Variants in SEPTIN7 observed in about 807,000 individuals in gnomAD.
The protein encoded by SEPTIN7 is septin 7, also known as septin-7.
Under a neutral mutation model 63.3 loss-of-function variants are expected in SEPTIN7, and 10 were observed. That is an observed-to-expected ratio of 0.16 (90% CI 0.10 to 0.27). SEPTIN7 has a LOEUF of 0.27. SEPTIN7 is among the 10% of genes least tolerant of loss of function. The probability of loss-of-function intolerance (pLI) is 1.00; values close to 1 mark genes in which losing one functional copy is unlikely to be tolerated. For synonymous variants in SEPTIN7, 131 were observed against 165.3 expected (o/e 0.79, Z 1.59); for missense variants, 310 against 521.0 (o/e 0.59, Z 3.94).
chr7:35,905,347 A>G lies in SEPTIN7; in HGVS notation c.*1054A>G, dbSNP rs950619342. The G allele has an allele frequency of 2.6e-5, 4 of 152,588 alleles. No individual in the cohort carries two copies. The highest frequency in any genetic ancestry group is 6.5e-5 in the Admixed American group (1 of 15,282). The allele number at this position is 152,588 out of a possible 1,614,324, so 9.5% of individuals were successfully genotyped here. A position where few individuals can be genotyped will look rare whatever the true frequency, so the allele number is the denominator to read the frequency against. Reference sequence around the variant, plus strand: ...TTAAATATCCTACAGTCGATGTACAAGAGTAGAGTATGTTTGGGAAGAAAC... The same window carrying G: ...TTAAATATCCTACAGTCGATGTACAGGAGTAGAGTATGTTTGGGAAGAAAC... On this transcript the variant is annotated 3_prime_UTR_variant, in exon 14 of 14. Coordinates refer to ENST00000350320, the MANE Select transcript of SEPTIN7 (RefSeq NM_001788.6).
rs1480216376 is a variant in SEPTIN7, at chr7:35,870,800, G to A, written c.277-1866G>A. ...TATAATCTGCCATGCACTCCAGCCT[G>A]AGCAACAGAGTGAGACCCTGACTAA... On this transcript the variant is annotated intron_variant, in intron 4 of 13. Coordinates refer to ENST00000350320, the MANE Select transcript of SEPTIN7 (RefSeq NM_001788.6). Among the ~76,000 whole-genome samples the A allele has an allele frequency of 2.1e-5, 3 of 144,842 alleles. No individual in the cohort carries two copies. The East Asian group carries it at 6.0e-4, about 29-fold the overall frequency.
intron 1 of SEPTIN7, 67 bp downstream of exon 1, chr7:35,801,337 C>T: frequency 6.6e-7 from 1 of 1,505,694 alleles, no homozygotes; most frequent in Middle Eastern, 2.2e-4. Flanking sequence ...GCTCTGCGGC[C>T]GCTGGACCGA....
At chr7:35,871,579 T>C (rs1019075350) in intron 4 of SEPTIN7, among the ~76,000 whole-genome samples, 30 of 152,214 alleles carry the variant, frequency 2.0e-4, no homozygotes, top group African/African-American at 7.2e-4. Context: ...TTGGATAGTG[T>C]GGCTACAGAC....
intron 3 of SEPTIN7, among the ~76,000 whole-genome samples, chr7:35,850,069 A>T (rs1784887199): frequency 6.6e-6 from 1 of 152,196 alleles, no homozygotes; most frequent in African/African-American, 2.4e-5. Context: ...CTTTCAAATC[A>T]TTTGGGAAGC....
chr7:35,901,596 C>T (rs1788325638), intron 12 of SEPTIN7: 1 of 152,046 alleles, frequency 6.6e-6, no homozygotes, highest in African/African-American at 2.4e-5. Context: ...GTGACCTGTA[C>T]CTTTATCTAC....
chr7:35,852,882 G>A (rs139925583), intron 3 of SEPTIN7, among the ~76,000 whole-genome samples: 123 of 152,234 alleles, frequency 8.1e-4, no homozygotes, highest in African/African-American at 2.8e-3. Flanking sequence ...CTGAATCAGT[G>A]TTATTCTTGA....
At position 35,905,343 on chromosome 7, in the gene SEPTIN7, T is replaced by C. The variant is rs1174074276; in HGVS notation, c.*1050T>C. 2.6e-5 allele frequency: 4 copies of C among 152,610 alleles called. No homozygotes were observed. Among genetic ancestry groups the C allele is most frequent in the African/African-American group, 7.2e-5 (3 of 41,476 alleles). The allele number at this position is 152,610 out of a possible 1,614,324, so 9.5% of individuals were successfully genotyped here. ...GGTCTTAAATATCCTACAGTCGATG[T>C]ACAAGAGTAGAGTATGTTTGGGAAG... On this transcript the variant is annotated 3_prime_UTR_variant, in exon 14 of 14. Transcript: ENST00000350320.
At chr7:35,887,462 T>G (rs1446497639) in intron 10 of SEPTIN7, among the ~76,000 whole-genome samples, 1 of 152,204 alleles carries the variant, frequency 6.6e-6, no homozygotes, top group African/African-American at 2.4e-5. Context: ...TTCTCCTGCC[T>G]CAGCTTCCTG....
Position 35,905,642 on chromosome 7 carries a change from CCT to C in SEPTIN7, c.*1350_*1351del, listed in dbSNP as rs1252733565. On this transcript the variant is annotated 3_prime_UTR_variant, in exon 14 of 14. Transcript: ENST00000350320. The stretch of plus-strand genomic sequence containing the variant: ...TCAAGCAGTCCTCCTGCCTCAGCCC[CCT>C]GAGTATCTGGGATTGCAGGCGTGCA... 1 of 152,178 alleles carries C rather than the reference CCT, an allele frequency of 6.6e-6. No individual in the cohort carries two copies. The highest frequency in any genetic ancestry group is 2.4e-5 in the African/African-American group (1 of 41,432). 9.4% of individuals were successfully genotyped at this position (152,178 alleles called of 1,614,324 possible). A position where few individuals can be genotyped will look rare whatever the true frequency, so the allele number is the denominator to read the frequency against.
intron 7 of SEPTIN7, among the ~76,000 whole-genome samples, chr7:35,881,494 T>G (rs1201416746): frequency 2.0e-5 from 3 of 151,796 alleles, no homozygotes; most frequent in Admixed American, 6.6e-5. Flanking sequence ...AATTCCTTGT[T>G]TATTCTTTTT....
chr7:35,888,990 T>C, intron 10 of SEPTIN7: 1 of 258,438 alleles, frequency 3.9e-6, no homozygotes, highest in South Asian at 3.8e-5. Context: ...ATTCCTATCA[T>C]CTGCTATCTG....
intron 3 of SEPTIN7, 39 bp downstream of exon 3, chr7:35,832,939 A>C (rs1360168010): frequency 7.6e-6 from 9 of 1,181,792 alleles, no homozygotes; most frequent in Non-Finnish European, 1.1e-5. Context: ...ACTTTGGTTT[A>C]AGTTTTAAAC....
intron 3 of SEPTIN7, among the ~76,000 whole-genome samples, chr7:35,862,084 T>C (rs1260932538): frequency 2.0e-5 from 3 of 152,178 alleles, no homozygotes; most frequent in Non-Finnish European, 4.4e-5. Flanking sequence ...ATAATACTTT[T>C]TAAATTATGA....
At chr7:35,873,852 C>CT (rs1409157709) in intron 6 of SEPTIN7, 77 bp downstream of exon 6, 1 of 1,388,302 alleles carries the variant, frequency 7.2e-7, no homozygotes. Context: ...CTTTAGTAAT[C>CT]TTTAAGTTTG....
At chr7:35,912,063 C>G (rs565349980), downstream of SEPTIN7, among the ~76,000 whole-genome samples, 2 of 152,114 alleles carry the variant, frequency 1.3e-5, no homozygotes, top group African/African-American at 4.8e-5. Context: ...AGTAGCTCAC[C>G]GTGACAAAGC....
chr7:35,801,222 G>A lies in SEPTIN7; in HGVS notation c.13G>A (p.Ala5Thr). 6.5e-7 allele frequency: 1 copy of A among 1,533,168 alleles called. No homozygotes were observed. Among genetic ancestry groups the A allele is most frequent in the Non-Finnish European group, 8.8e-7 (1 of 1,140,598 alleles). The allele number at this position is 1,533,168 out of a possible 1,614,324, so 95.0% of individuals were successfully genotyped here. A position where few individuals can be genotyped will look rare whatever the true frequency, so the allele number is the denominator to read the frequency against. ...AGGGGGGGAGGGGATGTCGGTCAGTGCGAGATCCGCTGCTGCTGAGGAGAG... is the reference window on the plus strand; with the variant it reads ...AGGGGGGGAGGGGATGTCGGTCAGTACGAGATCCGCTGCTGCTGAGGAGAG... The part of the protein sequence containing the change: MSVS[A>T]RSAAAEERSV... Residue 5 changes from alanine (A) to threonine (T), a missense_variant, in exon 1 of 14, where the codon GCG becomes ACG. Physicochemically the swap from Ala to Thr is moderately conservative, Grantham distance 58 (BLOSUM62 0). Coordinates refer to ENST00000350320, the MANE Select transcript of SEPTIN7 (RefSeq NM_001788.6).
At chr7:35,890,082 T>C (rs1262885314) in intron 10 of SEPTIN7, among the ~76,000 whole-genome samples, 5 of 152,240 alleles carry the variant, frequency 3.3e-5, no homozygotes, top group African/African-American at 1.2e-4. Flanking sequence ...TCATCTCATA[T>C]GTATTGTAGA....
chr7:35,817,581 A>G lies in SEPTIN7; in HGVS notation c.62-13911A>G, dbSNP rs1410667027. ...TTTGCTAATTTCTACAAGTAGGCCA[A>G]CAAGGATGTTGATAGCCATGGTGTT... is the stretch of plus-strand genomic sequence containing the variant. On this transcript the variant is annotated intron_variant, in intron 1 of 13. Coordinates refer to ENST00000350320, the MANE Select transcript of SEPTIN7 (RefSeq NM_001788.6). Among the ~76,000 whole-genome samples, 4 of 152,110 alleles carry G rather than the reference A, an allele frequency of 2.6e-5. No individual in the cohort carries two copies. In the East Asian group the frequency reaches 5.8e-4, roughly 22 times the overall value.
chr7:35,881,922 T>C (rs1474643627), intron 7 of SEPTIN7, among the ~76,000 whole-genome samples: 2 of 152,038 alleles, frequency 1.3e-5, no homozygotes, highest in Non-Finnish European at 2.9e-5. Flanking sequence ...ATGTGTTTTC[T>C]CCCTGTGTCC....
Sources: gnomAD v4.1 joint callset for allele counts (sites outside exome capture counted in the v4.1 genomes callset) on GRCh38, gnomAD v4.1.1 for gene constraint, MANE v1.5 for transcripts, NCBI Gene and HGNC (gene_info 2026-07-23, HGNC 2026-07-21) for gene names.